The following CENPP variants were observed in gnomAD, a reference collection of about 807,000 sequenced individuals.
CENPP encodes the protein centromere protein P.
A neutral mutation model predicts 35.6 loss-of-function variants in CENPP; 24 were observed. The observed-to-expected ratio is 0.67, with a 90% CI of 0.49 to 0.95. The LOEUF is 0.95. CENPP is among the 40% of genes least tolerant of loss of function. The pLI is 0.00. For synonymous variants in CENPP, 120 were observed against 125.5 expected (o/e 0.96, Z 0.29); for missense variants, 332 against 345.3 (o/e 0.96, Z 0.31).
chr9:92,604,103 G>A (rs72754487), intron 5 of CENPP, among the ~76,000 whole-genome samples: 7,228 of 152,290 alleles, frequency 0.047, 214 homozygotes, highest in South Asian at 0.11. Flanking sequence ...GCTGGATCAC[G>A]TAGTAAGTGT....
chr9:92,572,599 G>C (rs1462822458), intron 5 of CENPP, among the ~76,000 whole-genome samples: 1 of 152,064 alleles, frequency 6.6e-6, no homozygotes, highest in Non-Finnish European at 1.5e-5. Flanking sequence ...GTATCTTTGT[G>C]GCGTTCTCTG....
At chr9:92,335,557 A>G (rs1451246813) in intron 2 of CENPP, among the ~76,000 whole-genome samples, 6 of 152,054 alleles carry the variant, frequency 3.9e-5, no homozygotes, top group African/African-American at 1.4e-4. Context: ...ATTTTTGTGA[A>G]AGGTATAGTC....
rs1425556682 is a variant in CENPP, at chr9:92,593,831, G to T, written c.565-17483G>T. Among the ~76,000 whole-genome samples, 1 of 152,114 alleles carries T rather than the reference G, an allele frequency of 6.6e-6. No individual in the cohort carries two copies. The highest frequency in any genetic ancestry group is 2.4e-5 in the African/African-American group (1 of 41,404). On this transcript the variant is annotated intron_variant, in intron 5 of 7. Coordinates refer to ENST00000375587, the MANE Select transcript of CENPP (RefSeq NM_001012267.3). This position sits in a 1 kb window ranked among gnomAD's most constrained non-coding sequence, Gnocchi z 4.1. ...CTTATTAAAATAACCAAGCATAATA[G>T]TTAAACTGGTAGCAGTAGATAAAGG...
Position 92,511,906 on chromosome 9 carries a change from C to T in CENPP, c.565-99408C>T, listed in dbSNP as rs1252576861. ...GAGAGGAAACTTTCTTAGAAGAAGA[C>T]TACCAATTAGAAGCATTTTCCTTTT... On this transcript the variant is annotated intron_variant, in intron 5 of 7. Coordinates refer to ENST00000375587, the MANE Select transcript of CENPP (RefSeq NM_001012267.3). The T allele has an allele frequency of 9.2e-6, 7 of 762,222 alleles. No homozygotes were observed. The East Asian group carries it at 1.9e-4, about 21-fold the overall frequency. The allele number at this position is 762,222 out of a possible 1,614,324, so 47.2% of individuals were successfully genotyped here.
At chr9:92,513,010 G>C (rs1847449795) in intron 5 of CENPP, among the ~76,000 whole-genome samples, 1 of 152,166 alleles carries the variant, frequency 6.6e-6, no homozygotes, top group Admixed American at 6.5e-5. Flanking sequence ...TATTATGTTT[G>C]ACACTGGCAG....
intron 5 of CENPP, among the ~76,000 whole-genome samples, chr9:92,448,722 A>G (rs2131016654): frequency 6.6e-6 from 1 of 152,270 alleles, no homozygotes; most frequent in Middle Eastern, 3.4e-3. Flanking sequence ...CTGAAAAGGT[A>G]TCCCAAAAAG....
intron 5 of CENPP, chr9:92,536,067 A>G: frequency 2.0e-6 from 1 of 493,526 alleles, no homozygotes; most frequent in Admixed American, 2.2e-5. Context: ...TGAACTTCTT[A>G]GTAAAATCTA....
chr9:92,557,768 G>A (rs953017074), intron 5 of CENPP, among the ~76,000 whole-genome samples: 8 of 151,962 alleles, frequency 5.3e-5, no homozygotes, highest in Non-Finnish European at 1.0e-4. Context: ...TCAGCCTCTC[G>A]AGTAGCTGGG....
intron 5 of CENPP, among the ~76,000 whole-genome samples, chr9:92,459,383 A>G (rs557185742): frequency 5.6e-4 from 85 of 152,376 alleles, no homozygotes; most frequent in African/African-American, 1.8e-3. Flanking sequence ...CTTTGCCGCA[A>G]TGTCCTCAGC....
intron 5 of CENPP, among the ~76,000 whole-genome samples, chr9:92,428,608 G>T (rs944964557): frequency 6.6e-6 from 1 of 152,012 alleles, no homozygotes; most frequent in Non-Finnish European, 1.5e-5. Flanking sequence ...AGGTGTTCTG[G>T]GTAGGGTCTT....
chr9:92,616,028 G>A lies in CENPP; in HGVS notation c.*2879G>A, dbSNP rs1222780260. Reference sequence around the variant, plus strand: ...CACGGAAAAGGCAAACCTGGACCTCGATGAAGGGACGACAGGCCTTTGATC... The same window carrying A: ...CACGGAAAAGGCAAACCTGGACCTCAATGAAGGGACGACAGGCCTTTGATC... On this transcript the variant is annotated 3_prime_UTR_variant, in exon 8 of 8. Coordinates refer to ENST00000375587, the MANE Select transcript of CENPP (RefSeq NM_001012267.3). 1.9e-6 allele frequency: 3 copies of A among 1,613,940 alleles called. No individual in the cohort carries two copies. The highest frequency in any genetic ancestry group is 1.7e-6 in the Non-Finnish European group (2 of 1,179,972).
At chr9:92,367,238 C>T (rs1841909385) in intron 4 of CENPP, among the ~76,000 whole-genome samples, 1 of 152,162 alleles carries the variant, frequency 6.6e-6, no homozygotes, top group Admixed American at 6.5e-5. Context: ...ACAATCTCGG[C>T]TCACTACAAC....
intron 4 of CENPP, among the ~76,000 whole-genome samples, chr9:92,349,921 A>G (rs993052769): frequency 7.9e-5 from 12 of 152,190 alleles, no homozygotes; most frequent in African/African-American, 2.4e-4. Flanking sequence ...TCTAGGGTAC[A>G]TAACCAGAAG....
chr9:92,592,329 G>T (rs1850685420), intron 5 of CENPP, among the ~76,000 whole-genome samples: 1 of 152,108 alleles, frequency 6.6e-6, no homozygotes, highest in Non-Finnish European at 1.5e-5. Flanking sequence ...AGCACTGCTG[G>T]CTCCTGACAG....
chr9:92,399,042 G>A (rs575141245), intron 5 of CENPP, among the ~76,000 whole-genome samples: 6 of 150,338 alleles, frequency 4.0e-5, no homozygotes, highest in East Asian at 3.9e-4. Context: ...GTCTGAGAGC[G>A]AGACTCTGTC....
chr9:92,600,656 TTG>T (rs1564017169), intron 5 of CENPP: 1 of 1,394,530 alleles, frequency 7.2e-7, no homozygotes, highest in Non-Finnish European at 9.6e-7. Context: ...CTGGTGGGGG[TTG>T]TGTTTTTGCT....
chr9:92,456,393 C>T (rs757902376), intron 5 of CENPP: 1 of 152,390 alleles, frequency 6.6e-6, no homozygotes, highest in Admixed American at 6.6e-5. Flanking sequence ...CCAGTCCATA[C>T]GTATTTGAAG....
At chr9:92,457,353 G>A (rs1204973282) in intron 5 of CENPP, 5 of 1,613,886 alleles carry the variant, frequency 3.1e-6, no homozygotes, top group African/African-American at 2.7e-5. Context: ...GTTGCAGGTT[G>A]CATTTCCCAG....
At chr9:92,522,988 C>G in intron 5 of CENPP, 1 of 1,201,442 alleles carries the variant, frequency 8.3e-7, no homozygotes, top group Non-Finnish European at 1.1e-6. Context: ...GTAGGCAAGT[C>G]TTTGAGAAAT....
Sources: gnomAD v4.1 joint callset for allele counts (sites outside exome capture counted in the v4.1 genomes callset) on GRCh38, gnomAD v4.1.1 for gene constraint, Gnocchi (gnomAD v3.1) non-coding constraint, MANE v1.5 for transcripts, NCBI Gene and HGNC (gene_info 2026-07-23, HGNC 2026-07-21) for gene names.